The following KRT80 variants were observed in gnomAD, a reference collection of about 807,000 sequenced individuals.
The protein encoded by KRT80 is keratin 80.
In KRT80, 36 loss-of-function variants were observed where a neutral mutation model predicts 51.5. The observed-to-expected ratio is 0.70, with a 90% CI of 0.54 to 0.92. The LOEUF (loss-of-function observed/expected upper bound fraction) is 0.92. Among genes scored for constraint, KRT80 ranks in the 40% least tolerant of loss-of-function variants. The pLI, the probability that KRT80 is intolerant of heterozygous loss-of-function variation, is 0.00. For missense variants in KRT80, 566 were observed against 591.7 expected (o/e 0.96, Z 0.45); for synonymous variants, 235 against 248.3 (o/e 0.95, Z 0.50).
In KRT80 at chr12:52,171,720, G is replaced by T. The variant is rs763254327; in HGVS notation, c.1179-7C>A. 25 of 1,516,250 alleles carry T rather than the reference G, an allele frequency of 1.6e-5. No homozygotes were observed. The highest frequency in any genetic ancestry group is 2.8e-5 in the African/African-American group (2 of 72,646). 93.9% of individuals were successfully genotyped at this position (1,516,250 alleles called of 1,614,324 possible). On this transcript the variant is annotated splice_polypyrimidine_tract_variant and splice_region_variant and intron_variant, in intron 7 of 8. Coordinates refer to ENST00000394815, the MANE Select transcript of KRT80 (RefSeq NM_182507.3). ...GGCTGAGGGCGAGTCCATCCTGGGG[G>T]TGGGGGACGGGGGGGTGGGAGAGGG...
At chr12:52,180,480 G>T in intron 4 of KRT80, 33 bp downstream of exon 4, 1 of 1,382,054 alleles carries the variant, frequency 7.2e-7, no homozygotes, top group Non-Finnish European at 9.5e-7. Context: ...GCCAGCTCTG[G>T]GCTTGGCAAG....
At chr12:52,173,872 C>G in intron 4 of KRT80, 108 bp from the exon 5 acceptor site, 1 of 1,090,208 alleles carries the variant, frequency 9.2e-7, no homozygotes, top group Non-Finnish European at 1.3e-6. Context: ...GGAGCTGCTC[C>G]CTTCCTGTCC....
chr12:52,191,521 C>G, intron 1 of KRT80, 82 bp downstream of exon 1: 1 of 1,379,880 alleles, frequency 7.2e-7, no homozygotes, highest in Non-Finnish European at 9.9e-7. Context: ...GCGCGGTGAT[C>G]GATGCTCAGG....
rs190855448 is a variant in KRT80, at chr12:52,175,066, A to G, written c.667-1302T>C. On this transcript the variant is annotated intron_variant, in intron 4 of 8. Coordinates refer to ENST00000394815, the MANE Select transcript of KRT80 (RefSeq NM_182507.3). ...GCATTCAGAGTCCACCCTGACCCCTATTTCAATCATCAAATTTCAGTCTGC... is the reference window on the plus strand; with the variant it reads ...GCATTCAGAGTCCACCCTGACCCCTGTTTCAATCATCAAATTTCAGTCTGC... Among the ~76,000 whole-genome samples the G allele has an allele frequency of 2.6e-3, 399 of 152,208 alleles. 1 individual carries two copies. The highest frequency in any genetic ancestry group is 9.0e-3 in the African/African-American group (373 of 41,508).
intron 4 of KRT80, among the ~76,000 whole-genome samples, chr12:52,177,673 G>A (rs12824516): frequency 0.16 from 24,427 of 150,292 alleles, 2,786 homozygotes; most frequent in East Asian, 0.56. Context: ...GTGCATGTGT[G>A]TGTATGTACA....
In KRT80 at chr12:52,170,860, G is replaced by C. The variant is rs1326520026; in HGVS notation, c.*538C>G. On this transcript the variant is annotated 3_prime_UTR_variant, in exon 9 of 9. Transcript: ENST00000394815. ...GTCAGGTCTCTGGGGAGCCCAAAGA[G>C]CACGGGAAAGCCAAGAGGGTCTTCA... 1 of 155,592 alleles carries C rather than the reference G, an allele frequency of 6.4e-6. No individual in the cohort carries two copies. Among genetic ancestry groups the C allele is most frequent in the Non-Finnish European group, 1.4e-5 (1 of 70,162 alleles). The allele number at this position is 155,592 out of a possible 1,614,324, so 9.6% of individuals were successfully genotyped here.
At chr12:52,186,765 C>T (rs1254523693) in intron 1 of KRT80, among the ~76,000 whole-genome samples, 1 of 152,140 alleles carries the variant, frequency 6.6e-6, no homozygotes, top group African/African-American at 2.4e-5. Flanking sequence ...GCTCTGAGCC[C>T]AGCTGCGCCT....
At chr12:52,172,158 C>T (rs1941118065) in intron 7 of KRT80, 40 bp downstream of exon 7, 2 of 1,605,714 alleles carry the variant, frequency 1.2e-6, no homozygotes, top group Non-Finnish European at 1.7e-6. Context: ...CTCCAGCCCT[C>T]CTTCCCCTGC....
At position 52,172,400 on chromosome 12, in the gene KRT80, TCTC is replaced by T. The variant is rs1941124328; in HGVS notation, c.973_975del (p.Glu325del). On this transcript the variant is annotated inframe_deletion, in exon 7 of 9. Transcript: ENST00000394815. ...CCCTGCTCCTCAGCTGTCTTGATGT[TCTC>T]CTCCAGTTTCAGGCACTGCAGCCAG... is the stretch of plus-strand genomic sequence containing the variant. The T allele has an allele frequency of 6.2e-7, 1 of 1,612,950 alleles. No individual in the cohort carries two copies. Among genetic ancestry groups the T allele is most frequent in the African/African-American group, 1.3e-5 (1 of 74,916 alleles).
At chr12:52,180,655 C>T (rs200470711) in intron 3 of KRT80, 47 bp from the exon 4 acceptor site, 1 of 1,553,774 alleles carries the variant, frequency 6.4e-7, no homozygotes, top group Non-Finnish European at 8.7e-7. Context: ...AATGGAGGGT[C>T]CCAGGGCAGG....
At chr12:52,176,363 C>A (rs1438982967) in intron 4 of KRT80, among the ~76,000 whole-genome samples, 1 of 152,216 alleles carries the variant, frequency 6.6e-6, no homozygotes, top group Non-Finnish European at 1.5e-5. Context: ...CGTGTGAGCA[C>A]CCTCACTGTG....
intron 4 of KRT80, among the ~76,000 whole-genome samples, chr12:52,174,551 C>T (rs910007183): frequency 2.0e-5 from 3 of 152,268 alleles, no homozygotes; most frequent in African/African-American, 7.2e-5. Flanking sequence ...CCACCATTCC[C>T]TGAGGAATTC....
chr12:52,185,338 C>T lies in KRT80; in HGVS notation c.509+41G>A. The stretch of plus-strand genomic sequence containing the variant: ...CCATCTGAGCACAGCTTGGTCCCAG[C>T]CCTCAGGCCTTGCTCATGGCTCTCA... On this transcript the variant is annotated intron_variant, in intron 2 of 8. Coordinates refer to ENST00000394815, the MANE Select transcript of KRT80 (RefSeq NM_182507.3). 1.9e-6 allele frequency: 3 copies of T among 1,564,158 alleles called. No homozygotes were observed. The African/African-American group carries it at 4.0e-5, about 21-fold the overall frequency.
chr12:52,189,839 G>C (rs1165174420), intron 1 of KRT80, among the ~76,000 whole-genome samples: 1 of 152,256 alleles, frequency 6.6e-6, no homozygotes, highest in African/African-American at 2.4e-5. Context: ...TCTGGGCACA[G>C]GACCCCAACC....
chr12:52,178,952 T>TG (rs1190138255), intron 4 of KRT80, among the ~76,000 whole-genome samples: 1 of 152,044 alleles, frequency 6.6e-6, no homozygotes, highest in African/African-American at 2.4e-5. Flanking sequence ...GCCTGGCTAC[T>TG]GGGGCAGGGG....
chr12:52,181,838 T>C (rs554250653), intron 2 of KRT80, among the ~76,000 whole-genome samples: 1 of 152,356 alleles, frequency 6.6e-6, no homozygotes, highest in Non-Finnish European at 1.5e-5. Flanking sequence ...TCCAGACTTC[T>C]CGCTGGCCCC....
intron 3 of KRT80, 85 bp downstream of exon 3, chr12:52,180,818 G>T: frequency 6.2e-7 from 1 of 1,604,346 alleles, no homozygotes; most frequent in South Asian, 1.1e-5. Flanking sequence ...CTTTGATTGG[G>T]CATAAAGGAG....
intron 1 of KRT80, among the ~76,000 whole-genome samples, chr12:52,188,130 G>T (rs1211934947): frequency 6.6e-6 from 1 of 152,088 alleles, no homozygotes; most frequent in Admixed American, 6.5e-5. Flanking sequence ...TTGCAGAAAG[G>T]CTCCTCCCTC....
chr12:52,190,109 A>G (rs1184342807), intron 1 of KRT80, among the ~76,000 whole-genome samples: 1 of 152,072 alleles, frequency 6.6e-6, no homozygotes, highest in Non-Finnish European at 1.5e-5. Context: ...GGGCTGGGGG[A>G]AGGGATGCTC....
Sources: allele counts gnomAD v4.1 joint callset (sites outside exome capture counted in the v4.1 genomes callset), GRCh38; gene constraint gnomAD v4.1.1; transcripts MANE v1.5; gene names NCBI Gene and HGNC (gene_info 2026-07-23, HGNC 2026-07-21).